BANK1: variants seen among roughly 807,000 people sequenced by gnomAD.
BANK1 encodes the protein B-cell scaffold protein with ankyrin repeats.
In BANK1, 95 loss-of-function variants were observed where a neutral mutation model predicts 94.5. The observed-to-expected ratio is 1.00, with a 90% CI of 0.85 to 1.19. BANK1 has a LOEUF of 1.19. BANK1 is among the 50% of genes most tolerant of loss of function. The pLI, the probability that BANK1 is intolerant of heterozygous loss-of-function variation, is 0.00. For missense variants in BANK1, 987 were observed against 932.2 expected, an observed-to-expected ratio of 1.06 and a Z score of -0.77; for synonymous variants, 334 against 308.4, an observed-to-expected ratio of 1.08 and a Z score of -0.87.
chr4:101,955,878 C>T (rs544084593), intron 7 of BANK1, among the ~76,000 whole-genome samples: 6 of 152,054 alleles, frequency 3.9e-5, no homozygotes, highest in Admixed American at 1.3e-4. Context: ...CTCTGTAAAA[C>T]GAGCACAGTA....
At chr4:102,035,505 G>A (rs72933919) in intron 10 of BANK1, among the ~76,000 whole-genome samples, 157 of 152,076 alleles carry the variant, frequency 1.0e-3, no homozygotes, top group African/African-American at 3.3e-3. Flanking sequence ...AAAATTAGCC[G>A]GGCATGGTGG....
chr4:101,844,329 C>T (rs1727167559), intron 2 of BANK1, among the ~76,000 whole-genome samples: 1 of 152,056 alleles, frequency 6.6e-6, no homozygotes, highest in Non-Finnish European at 1.5e-5. Flanking sequence ...TGGGGTTAGG[C>T]ACAATAGGCG....
intron 2 of BANK1, among the ~76,000 whole-genome samples, chr4:101,846,731 T>A (rs2148870226): frequency 6.6e-6 from 1 of 152,260 alleles, no homozygotes; most frequent in East Asian, 1.9e-4. Context: ...GAGAACAGCA[T>A]GGGGGAAACC....
At position 102,074,005 on chromosome 4, in the gene BANK1, G is replaced by T. The variant is rs1468414437; in HGVS notation, c.*6G>T. 1 of 259,026 alleles carries T rather than the reference G, an allele frequency of 3.9e-6. No individual in the cohort carries two copies. Among genetic ancestry groups the T allele is most frequent in the Non-Finnish European group, 7.2e-6 (1 of 138,504 alleles). 16.0% of individuals were successfully genotyped at this position (259,026 alleles called of 1,614,324 possible). On this transcript the variant is annotated splice_region_variant and 3_prime_UTR_variant, in exon 17 of 17. Coordinates refer to ENST00000322953, the MANE Select transcript of BANK1 (RefSeq NM_017935.5). ...ACATTTCCTATTTTCTCATTTCCAG[G>T]TTATTATAATGAAACTCACGAATCT...
At chr4:102,037,435 C>A (rs1727545725) in intron 10 of BANK1, among the ~76,000 whole-genome samples, 1 of 152,212 alleles carries the variant, frequency 6.6e-6, no homozygotes, top group Non-Finnish European at 1.5e-5. Context: ...CTATCCACAA[C>A]TACTGTCTTT....
intron 7 of BANK1, among the ~76,000 whole-genome samples, chr4:102,013,205 T>C (rs1726568781): frequency 6.6e-6 from 1 of 152,144 alleles, no homozygotes; most frequent in Non-Finnish European, 1.5e-5. Flanking sequence ...GATTCGTGTA[T>C]TGAGCCAAGT....
intron 5 of BANK1, among the ~76,000 whole-genome samples, chr4:101,878,368 C>T (rs1330301257): frequency 1.3e-5 from 2 of 152,130 alleles, no homozygotes; most frequent in African/African-American, 2.4e-5. Context: ...GAAAAGTTCA[C>T]TGTATAATGA....
intron 12 of BANK1, 47 bp downstream of exon 12, chr4:102,060,436 C>A (rs374105166): frequency 1.3e-6 from 2 of 1,545,272 alleles, no homozygotes; most frequent in Non-Finnish European, 1.7e-6. Context: ...ACTTGTGGAG[C>A]CCCTAGTTTG....
chr4:101,947,914 T>C (rs1489719858), intron 7 of BANK1, among the ~76,000 whole-genome samples: 1 of 152,086 alleles, frequency 6.6e-6, no homozygotes, highest in African/African-American at 2.4e-5. Context: ...CTGAGACTGA[T>C]GTAAATTTAC....
At chr4:101,999,579 C>G (rs1237368751) in intron 7 of BANK1, among the ~76,000 whole-genome samples, 2 of 152,192 alleles carry the variant, frequency 1.3e-5, no homozygotes, top group African/African-American at 4.8e-5. Flanking sequence ...TAAGAAACTG[C>G]TTTGCCTTTG....
chr4:101,792,467 G>T (rs201829198), intron 1 of BANK1, among the ~76,000 whole-genome samples: 1,379 of 94,228 alleles, frequency 0.015, 31 homozygotes, highest in East Asian at 0.075. Context: ...GTGTGTGTGT[G>T]TGTTTTTTTT....
chr4:101,936,204 A>G (rs1022527765), intron 7 of BANK1, among the ~76,000 whole-genome samples: 4 of 149,588 alleles, frequency 2.7e-5, no homozygotes, highest in East Asian at 2.0e-4. Flanking sequence ...TATTTTTTAT[A>G]TATCATATAT....
chr4:102,071,786 T>A (rs1348308590), intron 14 of BANK1, among the ~76,000 whole-genome samples: 1 of 152,230 alleles, frequency 6.6e-6, no homozygotes, highest in Non-Finnish European at 1.5e-5. Context: ...GATTGTGTGC[T>A]GATGGGATAG....
intron 11 of BANK1, among the ~76,000 whole-genome samples, chr4:102,047,384 G>C (rs530277406): frequency 1.7e-4 from 26 of 151,904 alleles, no homozygotes; most frequent in Middle Eastern, 6.8e-3. Flanking sequence ...CTCTTTATTT[G>C]ACAGTTTTCC....
At chr4:102,017,856 T>G (rs567335146) in intron 7 of BANK1, among the ~76,000 whole-genome samples, 191 of 152,308 alleles carry the variant, frequency 1.3e-3, no homozygotes, top group Admixed American at 2.4e-3. Context: ...CAAAGAAAAT[T>G]TCTACTTTTA....
At chr4:101,834,890 A>G (rs1479370900) in intron 2 of BANK1, among the ~76,000 whole-genome samples, 2 of 152,196 alleles carry the variant, frequency 1.3e-5, no homozygotes. Flanking sequence ...CTATTTTATA[A>G]TTAATCAAGG....
At chr4:101,805,731 C>T (rs1420300887) in intron 1 of BANK1, among the ~76,000 whole-genome samples, 2 of 151,468 alleles carry the variant, frequency 1.3e-5, no homozygotes, top group Non-Finnish European at 2.9e-5. Context: ...ACATGAACAG[C>T]CTCAGAGTTC....
intron 7 of BANK1, among the ~76,000 whole-genome samples, chr4:101,927,670 A>G (rs1723210041): frequency 6.6e-6 from 1 of 151,712 alleles, no homozygotes; most frequent in Non-Finnish European, 1.5e-5. Flanking sequence ...GGAATATAAA[A>G]GAAAGTGTGT....
intron 7 of BANK1, among the ~76,000 whole-genome samples, chr4:101,956,300 T>G (rs1302838635): frequency 6.6e-6 from 1 of 152,238 alleles, no homozygotes; most frequent in Non-Finnish European, 1.5e-5. Context: ...CTCTATCCTG[T>G]ATTTCCATGG....
Sources: allele counts gnomAD v4.1 joint callset (sites outside exome capture counted in the v4.1 genomes callset), GRCh38; gene constraint gnomAD v4.1.1; transcripts MANE v1.5; gene names NCBI Gene and HGNC (gene_info 2026-07-23, HGNC 2026-07-21).